LINGO2: variants seen among roughly 807,000 people sequenced by gnomAD.
LINGO2 encodes the protein leucine-rich repeat and immunoglobulin-like domain-containing nogo receptor-interacting protein 2.
A neutral mutation model predicts 30.6 loss-of-function variants in LINGO2; 14 were observed. That is an observed-to-expected ratio of 0.46 (90% CI 0.30 to 0.72). The LOEUF is 0.72. LINGO2 is among the 30% of genes least tolerant of loss of function. The pLI is 0.07. For synonymous variants in LINGO2, 317 were observed against 288.5 expected (o/e 1.10, Z -1.00); for missense variants, 729 against 751.7 (o/e 0.97, Z 0.35).
the LINGO2 span, among the ~76,000 whole-genome samples, chr9:28,837,615 C>G: frequency 7.3e-6 from 1 of 136,470 alleles, no homozygotes; most frequent in Middle Eastern, 4.1e-3. Context: ...CCATTGCACT[C>G]CAGCCTGGGC....
intron 4 of LINGO2, among the ~76,000 whole-genome samples, chr9:28,237,160 T>G (rs1007599087): frequency 6.6e-6 from 1 of 152,106 alleles, no homozygotes; most frequent in Admixed American, 6.6e-5. Flanking sequence ...ATTAGGTTTT[T>G]TTTGCATGTT....
At chr9:28,803,334 T>C in the LINGO2 span, among the ~76,000 whole-genome samples, 1 of 152,070 alleles carries the variant, frequency 6.6e-6, no homozygotes, top group African/African-American at 2.4e-5. Context: ...TGTGTGTGTG[T>C]GTATACTATC....
intron 5 of LINGO2, among the ~76,000 whole-genome samples, chr9:27,965,423 G>GAA (rs541881326): frequency 0.034 from 4,710 of 138,228 alleles, 246 homozygotes; most frequent in African/African-American, 0.11. Flanking sequence ...TTTAAAAATA[G>GAA]AAAAAAAAAA....
chr9:28,302,739 T>G (rs975085681), intron 3 of LINGO2, among the ~76,000 whole-genome samples: 1 of 152,164 alleles, frequency 6.6e-6, no homozygotes, highest in Non-Finnish European at 1.5e-5. Flanking sequence ...TAACACAATA[T>G]TCTAAAGAAG....
chr9:29,128,244 A>G, the LINGO2 span, among the ~76,000 whole-genome samples: 1 of 152,132 alleles, frequency 6.6e-6, no homozygotes, highest in South Asian at 2.1e-4. Flanking sequence ...ATCCAACTCC[A>G]GACCTTAACA....
the LINGO2 span, among the ~76,000 whole-genome samples, chr9:29,082,232 A>T: frequency 6.6e-6 from 1 of 152,208 alleles, no homozygotes; most frequent in East Asian, 1.9e-4. Flanking sequence ...CAAAACAGAG[A>T]TATAGACCAA....
At chr9:28,296,803 C>G (rs760484392) in intron 3 of LINGO2, among the ~76,000 whole-genome samples, 1 of 152,162 alleles carries the variant, frequency 6.6e-6, no homozygotes, top group Non-Finnish European at 1.5e-5. Flanking sequence ...TCAACACACA[C>G]ACGTCTAAAA....
intron 1 of LINGO2, among the ~76,000 whole-genome samples, chr9:28,614,259 T>C (rs1826042632): frequency 6.6e-6 from 1 of 152,142 alleles, no homozygotes; most frequent in Non-Finnish European, 1.5e-5. Flanking sequence ...TATTATAGAA[T>C]ACAGATATTA....
At chr9:28,095,981 A>G (rs1826232040) in intron 4 of LINGO2, among the ~76,000 whole-genome samples, 1 of 152,150 alleles carries the variant, frequency 6.6e-6, no homozygotes, top group Non-Finnish European at 1.5e-5. Context: ...CTCTACAAAA[A>G]GATTAAGACA....
the LINGO2 span, among the ~76,000 whole-genome samples, chr9:29,110,514 A>C: frequency 2.0e-5 from 3 of 150,426 alleles, no homozygotes; most frequent in East Asian, 4.0e-4. Context: ...TTGTATTTTT[A>C]ATAGAGACTG....
chr9:28,639,888 G>T (rs1298031501), intron 1 of LINGO2, among the ~76,000 whole-genome samples: 2 of 151,966 alleles, frequency 1.3e-5, no homozygotes, highest in African/African-American at 4.8e-5. Context: ...TATTTTGCTC[G>T]TTAGTTGATG....
chr9:28,808,798 T>G, the LINGO2 span, among the ~76,000 whole-genome samples: 1 of 152,154 alleles, frequency 6.6e-6, no homozygotes. Flanking sequence ...GTTTTTATAA[T>G]AAATATTTAA....
the LINGO2 span, among the ~76,000 whole-genome samples, chr9:29,062,336 G>T: frequency 2.6e-5 from 4 of 152,114 alleles, no homozygotes; most frequent in South Asian, 4.2e-4. Flanking sequence ...TCCATTCTGG[G>T]TATATACCTG....
the LINGO2 span, among the ~76,000 whole-genome samples, chr9:28,797,359 T>TATATATATAGAGAGAGAGAGAGAGAG: frequency 2.9e-5 from 1 of 34,214 alleles, no homozygotes; most frequent in Non-Finnish European, 5.4e-5. Flanking sequence ...TATATATATA[T>TATATATATAGAGAGAGAGAGAGAGAG]AGAGAGAGAG....
the LINGO2 span, among the ~76,000 whole-genome samples, chr9:29,051,778 A>G: frequency 2.0e-5 from 3 of 152,156 alleles, no homozygotes; most frequent in Non-Finnish European, 4.4e-5. Flanking sequence ...GGACTCAGGA[A>G]GCTTGCATTC....
At chr9:28,335,693 G>C (rs1184900585) in intron 3 of LINGO2, among the ~76,000 whole-genome samples, 1 of 152,064 alleles carries the variant, frequency 6.6e-6, no homozygotes, top group Non-Finnish European at 1.5e-5. Context: ...TTAAAAAGTA[G>C]TAAAACAAAA....
chr9:29,047,982 A>T, the LINGO2 span, among the ~76,000 whole-genome samples: 3 of 152,054 alleles, frequency 2.0e-5, no homozygotes, highest in Admixed American at 2.0e-4. Context: ...GTGGTAATGC[A>T]CAGCTGTAAT....
the LINGO2 span, among the ~76,000 whole-genome samples, chr9:29,021,131 G>A: frequency 6.6e-6 from 1 of 152,052 alleles, no homozygotes; most frequent in East Asian, 1.9e-4. Flanking sequence ...TATTTGTTAT[G>A]GCTTGTACTA....
chr9:28,674,256 T>C (rs965436474), upstream of LINGO2, among the ~76,000 whole-genome samples: 2 of 125,646 alleles, frequency 1.6e-5, no homozygotes, highest in African/African-American at 7.1e-5. Context: ...GCTGACTTCT[T>C]ATACAATAAT....
Sources: allele counts gnomAD v4.1 joint callset (sites outside exome capture counted in the v4.1 genomes callset), GRCh38; gene constraint gnomAD v4.1.1; transcripts MANE v1.5; gene names NCBI Gene and HGNC (gene_info 2026-07-23, HGNC 2026-07-21).